Variants in BPGM observed in about 807,000 individuals in gnomAD.
BPGM encodes the protein bisphosphoglycerate mutase, also known as 2,3-bisphosphoglycerate mutase, erythrocyte.
Under a neutral mutation model 21.6 loss-of-function variants are expected in BPGM, and 15 were observed. The ratio of observed to expected loss-of-function variants is 0.70; its 90% CI spans 0.47 to 1.07. The LOEUF (loss-of-function observed/expected upper bound fraction) is 1.07, where lower values mean the gene tolerates loss of function less well. Among genes scored for constraint, BPGM ranks in the 50% least tolerant of loss-of-function variants. The probability of loss-of-function intolerance (pLI) is 0.00; values close to 1 mark genes in which losing one functional copy is unlikely to be tolerated. For synonymous variants in BPGM, 113 were observed against 116.2 expected (o/e 0.97, Z 0.18); for missense variants, 273 against 319.0 (o/e 0.86, Z 1.10).
intron 2 of BPGM, among the ~76,000 whole-genome samples, chr7:134,676,041 G>A (rs1795979417): frequency 6.6e-6 from 1 of 152,078 alleles, no homozygotes; most frequent in African/African-American, 2.4e-5. Flanking sequence ...TTCCTTTTCT[G>A]TATTGTTCTT....
chr7:134,678,606 G>GAAAC (rs745623658), intron 2 of BPGM, among the ~76,000 whole-genome samples: 1 of 152,162 alleles, frequency 6.6e-6, no homozygotes, highest in Non-Finnish European at 1.5e-5. Flanking sequence ...ATTTAGATAG[G>GAAAC]AAACAGGAAC....
chr7:134,659,453 G>A (rs1311087719), intron 1 of BPGM, among the ~76,000 whole-genome samples: 2 of 151,596 alleles, frequency 1.3e-5, no homozygotes, highest in Non-Finnish European at 2.9e-5. Flanking sequence ...TCTGAAGCTT[G>A]AACTTTGTTA....
intron 2 of BPGM, among the ~76,000 whole-genome samples, chr7:134,672,437 A>G (rs73166652): frequency 0.66 from 99,365 of 151,336 alleles, 33,130 homozygotes; most frequent in East Asian, 0.87. Context: ...GAATTTAGTG[A>G]ATGTTTGTTC....
chr7:134,671,482 C>T (rs1199238719), intron 2 of BPGM, among the ~76,000 whole-genome samples: 1 of 151,936 alleles, frequency 6.6e-6, no homozygotes, highest in Non-Finnish European at 1.5e-5. Flanking sequence ...CCACCTCAGC[C>T]TCCCAAGTAG....
intron 2 of BPGM, among the ~76,000 whole-genome samples, chr7:134,673,190 T>TAATAAAATAAAATAA (rs951578933): frequency 6.6e-6 from 1 of 152,010 alleles, no homozygotes; most frequent in South Asian, 2.1e-4. Context: ...AAAATAATAA[T>TAATAAAATAAAATAA]AATAAAATAA....
intron 1 of BPGM, among the ~76,000 whole-genome samples, chr7:134,651,068 T>C (rs1418095023): frequency 1.4e-4 from 22 of 152,212 alleles, no homozygotes; most frequent in Admixed American, 1.4e-3. Context: ...GTTAGATTCC[T>C]CTTGCAGTGG....
At chr7:134,649,174 G>GT (rs200013019) in intron 1 of BPGM, among the ~76,000 whole-genome samples, 39 of 150,564 alleles carry the variant, frequency 2.6e-4, no homozygotes, top group East Asian at 1.6e-3. Flanking sequence ...CAATTAAATT[G>GT]TTTTTTTTTT....
intron 2 of BPGM, among the ~76,000 whole-genome samples, chr7:134,670,544 G>C (rs996252679): frequency 1.3e-5 from 2 of 152,008 alleles, no homozygotes; most frequent in Non-Finnish European, 2.9e-5. Context: ...TAAATTAGTG[G>C]CTGTTATTTT....
chr7:134,678,984 A>G lies in BPGM; in HGVS notation c.733A>G (p.Ile245Val), dbSNP rs772222068. 12 of 1,614,218 alleles carry G rather than the reference A, an allele frequency of 7.4e-6. No individual in the cohort carries two copies. In the South Asian group the frequency reaches 9.9e-5, roughly 13 times the overall value. Residue 245 changes from isoleucine to valine, a missense_variant, in exon 3 of 3, where the codon ATT (isoleucine) becomes GTT (valine). By Grantham distance (29) the Ile-to-Val change is conservative (BLOSUM62 3). Transcript: ENST00000344924. ...LGDQEAIQAA[I>V]KKVEDQGKVK... ...TGACCAAGAGGCGATCCAAGCAGCC[A>G]TTAAGAAAGTAGAAGATCAAGGAAA... is the stretch of plus-strand genomic sequence containing the variant.
At chr7:134,656,703 C>A (rs958500771) in intron 1 of BPGM, among the ~76,000 whole-genome samples, 3 of 152,194 alleles carry the variant, frequency 2.0e-5, no homozygotes, top group Non-Finnish European at 2.9e-5. Flanking sequence ...TCAATTACCT[C>A]CCACTGGGTC....
chr7:134,674,462 A>G (rs904938449), intron 2 of BPGM, among the ~76,000 whole-genome samples: 4 of 152,152 alleles, frequency 2.6e-5, no homozygotes, highest in African/African-American at 7.2e-5. Flanking sequence ...GTCACTATAG[A>G]TTCACCTGTT....
chr7:134,677,986 C>T lies in BPGM; in HGVS notation c.602-867C>T, dbSNP rs1585869618. Among the ~76,000 whole-genome samples the T allele has an allele frequency of 2.0e-5, 3 of 152,132 alleles. No individual in the cohort carries two copies. In the South Asian group the frequency reaches 6.2e-4, roughly 31 times the overall value. On this transcript the variant is annotated intron_variant, in intron 2 of 2. Transcript: ENST00000344924. ...CTTGTTACATGGAGAAATAATATGTCATCATATTGCAATGATGATTAAATG... is the reference window on the plus strand; with the variant it reads ...CTTGTTACATGGAGAAATAATATGTTATCATATTGCAATGATGATTAAATG...
At chr7:134,667,839 T>C (rs1439569358) in intron 2 of BPGM, among the ~76,000 whole-genome samples, 2 of 152,158 alleles carry the variant, frequency 1.3e-5, no homozygotes, top group Non-Finnish European at 2.9e-5. Context: ...TTTTACCTAC[T>C]GGGGCGGAGT....
At chr7:134,670,627 A>AATGG (rs113068605) in intron 2 of BPGM, among the ~76,000 whole-genome samples, 2 of 151,418 alleles carry the variant, frequency 1.3e-5, no homozygotes, top group Non-Finnish European at 2.9e-5. Context: ...TAAAATTAAA[A>AATGG]ATAGATCATT....
intron 1 of BPGM, among the ~76,000 whole-genome samples, chr7:134,656,812 C>T (rs540337356): frequency 1.3e-5 from 2 of 152,332 alleles, no homozygotes; most frequent in African/African-American, 4.8e-5. Flanking sequence ...AAAACATAAT[C>T]ATGCCCTTTC....
chr7:134,671,922 A>G (rs1795910466), intron 2 of BPGM, among the ~76,000 whole-genome samples: 1 of 152,194 alleles, frequency 6.6e-6, no homozygotes, highest in Non-Finnish European at 1.5e-5. Context: ...TCCTGGTGGG[A>G]AAAGTGAGCA....
intron 2 of BPGM, among the ~76,000 whole-genome samples, chr7:134,668,478 T>C (rs1045155508): frequency 6.6e-6 from 1 of 152,240 alleles, no homozygotes; most frequent in Non-Finnish European, 1.5e-5. Flanking sequence ...ACTGCTGTTA[T>C]AACATTGTGG....
chr7:134,648,121 C>G lies in BPGM; in HGVS notation c.-62+1184C>G, dbSNP rs1163240150. Among the ~76,000 whole-genome samples, 432 of 131,190 alleles carry G rather than the reference C, an allele frequency of 3.3e-3. 7 individuals are homozygous for G. In the South Asian group the frequency reaches 0.049, roughly 15 times the overall value. 86.1% of individuals were successfully genotyped at this position (131,190 alleles called of 152,430 possible). On this transcript the variant is annotated intron_variant, in intron 1 of 2. Coordinates refer to ENST00000344924, the MANE Select transcript of BPGM (RefSeq NM_001724.5). ...CCTTGTCTTTTTTCTTTCTTTCTTTCTTTTGTTTTGGTTTTTTTTTTGTTT... is the reference window on the plus strand; with the variant it reads ...CCTTGTCTTTTTTCTTTCTTTCTTTGTTTTGTTTTGGTTTTTTTTTTGTTT...
intron 1 of BPGM, among the ~76,000 whole-genome samples, chr7:134,650,751 T>C (rs527970145): frequency 6.6e-6 from 1 of 152,242 alleles, no homozygotes; most frequent in South Asian, 2.1e-4. Context: ...TGAAACCCTG[T>C]CTCTACTAAA....
Sources: gnomAD v4.1 joint callset for allele counts (sites outside exome capture counted in the v4.1 genomes callset) on GRCh38, gnomAD v4.1.1 for gene constraint, MANE v1.5 for transcripts, NCBI Gene and HGNC (gene_info 2026-07-23, HGNC 2026-07-21) for gene names.